The following SLC9C1 variants were observed in gnomAD, a reference collection of about 807,000 sequenced individuals.
The protein encoded by SLC9C1 is solute carrier family 9 member C1.
Under a neutral mutation model 140.9 loss-of-function variants are expected in SLC9C1, and 97 were observed. The ratio of observed to expected loss-of-function variants is 0.69; its 90% confidence interval spans 0.58 to 0.82. The LOEUF is 0.82. Ranked by LOEUF, SLC9C1 falls within the 40% of genes least tolerant of loss-of-function variation. The probability of loss-of-function intolerance (pLI) is 0.00; values close to 1 mark genes in which losing one functional copy is unlikely to be tolerated. For missense variants in SLC9C1, 1,340 were observed against 1,389.3 expected (o/e 0.96, Z 0.56); for synonymous variants, 440 against 442.6 (o/e 0.99, Z 0.07).
intron 28 of SLC9C1, among the ~76,000 whole-genome samples, chr3:112,142,337 T>C (rs976882203): frequency 6.6e-6 from 1 of 152,238 alleles, no homozygotes; most frequent in Admixed American, 6.5e-5. Context: ...TGTTAGGTAT[T>C]GTCTTTTACT....
At chr3:112,293,112 C>CAAAAAAAAAA (rs58937356) in intron 1 of SLC9C1, among the ~76,000 whole-genome samples, 1 of 128,988 alleles carries the variant, frequency 7.8e-6, no homozygotes, top group Non-Finnish European at 1.6e-5. Context: ...ACTAAAAATA[C>CAAAAAAAAAA]AAAAAAAAAA....
intron 23 of SLC9C1, among the ~76,000 whole-genome samples, chr3:112,172,281 AT>A (rs2077261116): frequency 6.6e-6 from 1 of 152,050 alleles, no homozygotes; most frequent in African/African-American, 2.4e-5. Flanking sequence ...TTGTAGAGTT[AT>A]TCCACGTATT....
Position 112,208,205 on chromosome 3 carries a change from T to C in SLC9C1, c.1959A>G (p.Thr653=). The change falls in exon 16 of 29, where the codon ACA becomes ACG. Residue 653 remains threonine (T), a synonymous_variant. Coordinates refer to ENST00000305815, the MANE Select transcript of SLC9C1 (RefSeq NM_183061.3). ...TAAGTAGTGCCTCTAGAATATAAAG[T>C]GTAAGAAAACAGTAGTTAGTGTGTT... ...ELKHTNYCFL[T]LYILEALLKI... is the part of the protein sequence containing the mutation. 1 of 1,609,672 alleles carries C rather than the reference T, an allele frequency of 6.2e-7. No homozygotes were observed. Among genetic ancestry groups the C allele is most frequent in the Non-Finnish European group, 8.5e-7 (1 of 1,178,330 alleles).
intron 13 of SLC9C1, among the ~76,000 whole-genome samples, chr3:112,222,532 T>C (rs2078569865): frequency 6.6e-6 from 1 of 152,118 alleles, no homozygotes; most frequent in Non-Finnish European, 1.5e-5. Context: ...GAGTATACAC[T>C]GCAGAAAACA....
intron 28 of SLC9C1, among the ~76,000 whole-genome samples, chr3:112,150,820 ACATATATATATATATATATATT>A (rs1560003460): frequency 0.088 from 2,762 of 31,532 alleles, 97 homozygotes; most frequent in African/African-American, 0.13. Flanking sequence ...AAATACATAT[ACATATATATATATATATATATT>A]TTTTTTTTTT....
intron 20 of SLC9C1, 107 bp from the exon 21 acceptor site, chr3:112,182,365 T>C: frequency 8.2e-7 from 1 of 1,215,132 alleles, no homozygotes; most frequent in Non-Finnish European, 1.1e-6. Context: ...TTTGACATTT[T>C]TCTTCTTCCA....
chr3:112,216,626 T>A (rs2078379182), intron 15 of SLC9C1, among the ~76,000 whole-genome samples: 1 of 152,172 alleles, frequency 6.6e-6, no homozygotes, highest in African/African-American at 2.4e-5. Flanking sequence ...TCACTCGCCA[T>A]CAGAGAAATG....
rs371216069 is a variant in SLC9C1 at position 112,239,999 on chromosome 3, A to G, written c.1287T>C (p.Arg429=). The G allele has an allele frequency of 3.7e-6, 6 of 1,610,734 alleles. No individual in the cohort carries two copies. In the Middle Eastern group the frequency reaches 5.0e-4, roughly 133 times the overall value. ...ATTTATATTTTGTTGATGTGGCATC[A>G]CGAAGACCTTTGATACAAACACACA... ...LPVAVTILGL[R]DATSTKYKSV... Residue 429 remains arginine (R), a synonymous_variant, in exon 12 of 29, where the codon CGT becomes CGC. Transcript: ENST00000305815.
chr3:112,247,874 T>TGA (rs2079335485), intron 10 of SLC9C1, among the ~76,000 whole-genome samples: 1 of 47,846 alleles, frequency 2.1e-5, no homozygotes, highest in South Asian at 7.1e-4. Context: ...TACTCTTGAG[T>TGA]GTGTGTGTGT....
intron 26 of SLC9C1, among the ~76,000 whole-genome samples, chr3:112,155,669 C>G (rs1248029994): frequency 6.6e-6 from 1 of 152,020 alleles, no homozygotes; most frequent in Non-Finnish European, 1.5e-5. Flanking sequence ...TGGGGAAACG[C>G]TCAGGAATGG....
chr3:112,258,911 A>T (rs2079688911), intron 10 of SLC9C1, among the ~76,000 whole-genome samples: 1 of 152,138 alleles, frequency 6.6e-6, no homozygotes, highest in South Asian at 2.1e-4. Context: ...GCAGAGCAGG[A>T]GAGAGAGGGA....
chr3:112,275,482 T>A (rs1464363130), intron 5 of SLC9C1, among the ~76,000 whole-genome samples: 1 of 152,152 alleles, frequency 6.6e-6, no homozygotes, highest in Non-Finnish European at 1.5e-5. Flanking sequence ...TCCCAATGGT[T>A]TTAGAAATCA....
chr3:112,241,294 A>C (rs930534921), intron 11 of SLC9C1, among the ~76,000 whole-genome samples: 1 of 152,144 alleles, frequency 6.6e-6, no homozygotes, highest in African/African-American at 2.4e-5. Context: ...GTACCCCACA[A>C]ACATATACAC....
intron 25 of SLC9C1, 68 bp downstream of exon 25, chr3:112,168,809 T>C: frequency 7.3e-7 from 1 of 1,369,812 alleles, no homozygotes; most frequent in Non-Finnish European, 9.9e-7. Context: ...GTGACAGTTT[T>C]TCTGACGTTA....
At chr3:112,151,378 A>G in intron 28 of SLC9C1, 1 of 518,972 alleles carries the variant, frequency 1.9e-6, no homozygotes, top group South Asian at 1.4e-5. Flanking sequence ...GACTTTGCTC[A>G]TTCTCACAGC....
At chr3:112,232,015 T>A (rs1364731184) in intron 12 of SLC9C1, among the ~76,000 whole-genome samples, 1 of 152,148 alleles carries the variant, frequency 6.6e-6, no homozygotes. Context: ...AATGGGAGTA[T>A]GAATAATTTA....
rs1385533025 is a variant in SLC9C1 at position 112,279,765 on chromosome 3, ATTATGGTTC to A, written c.189+909_190-909del. On this transcript the variant is annotated intron_variant, in intron 3 of 28. Transcript: ENST00000305815. ...ACCTGGCCTTCTTTGCTTCTTTGGG[ATTATGGTTC>A]AGGAAACAGGCACAAGAAAATGTTA... is the stretch of plus-strand genomic sequence containing the variant. Among the ~76,000 whole-genome samples, 14 of 152,258 alleles carry A rather than the reference ATTATGGTTC, an allele frequency of 9.2e-5. No individual in the cohort carries two copies. In the East Asian group the frequency reaches 2.7e-3, roughly 29 times the overall value.
intron 25 of SLC9C1, among the ~76,000 whole-genome samples, chr3:112,168,304 TCCC>T (rs1172154208): frequency 1.3e-5 from 2 of 149,488 alleles, no homozygotes; most frequent in Non-Finnish European, 3.0e-5. Flanking sequence ...TCTCTGATTC[TCCC>T]CCAACACAAA....
At chr3:112,185,514 A>T (rs2107972641) in intron 20 of SLC9C1, 1 of 1,612,338 alleles carries the variant, frequency 6.2e-7, no homozygotes. Flanking sequence ...TTTTTCAGGT[A>T]CAAAGACTTG....
Sources: allele counts gnomAD v4.1 joint callset (sites outside exome capture counted in the v4.1 genomes callset), GRCh38; gene constraint gnomAD v4.1.1; transcripts MANE v1.5; gene names NCBI Gene and HGNC (gene_info 2026-07-23, HGNC 2026-07-21).